Variants in BRINP1 observed in about 807,000 individuals in gnomAD.
BRINP1 encodes the protein BMP/retinoic acid-inducible neural-specific protein 1.
In BRINP1, 17 loss-of-function variants were observed where a neutral mutation model predicts 72.9. That is an observed-to-expected ratio of 0.23 (90% CI 0.16 to 0.35). The LOEUF is 0.35. Ranked by LOEUF, BRINP1 falls within the 10% of genes least tolerant of loss-of-function variation. The pLI is 1.00. For synonymous variants in BRINP1, 418 were observed against 378.5 expected (o/e 1.10, Z -1.21); for missense variants, 850 against 1,001.6 (o/e 0.85, Z 2.04).
intron 1 of BRINP1, among the ~76,000 whole-genome samples, chr9:119,359,440 G>A (rs1217395878): frequency 2.0e-5 from 3 of 152,134 alleles, no homozygotes; most frequent in South Asian, 2.1e-4. Flanking sequence ...GGCCTCAAGC[G>A]ATCTTCCTGC....
intron 3 of BRINP1, among the ~76,000 whole-genome samples, chr9:119,246,286 G>C (rs1008169752): frequency 3.3e-5 from 5 of 152,126 alleles, no homozygotes; most frequent in African/African-American, 9.7e-5. Flanking sequence ...TTGAGTCAGT[G>C]GACTGGGAAA....
At chr9:119,204,154 G>A (rs1171829973) in intron 7 of BRINP1, among the ~76,000 whole-genome samples, 1 of 152,168 alleles carries the variant, frequency 6.6e-6, no homozygotes, top group Non-Finnish European at 1.5e-5. Flanking sequence ...AGCATCAACT[G>A]GCTCTGAGAG....
chr9:119,306,070 C>G (rs1225695988), intron 2 of BRINP1, among the ~76,000 whole-genome samples: 1 of 152,124 alleles, frequency 6.6e-6, no homozygotes, highest in East Asian at 1.9e-4. Context: ...TTTAAAGACT[C>G]TGTATCAGTC....
intron 2 of BRINP1, among the ~76,000 whole-genome samples, chr9:119,252,551 TAC>T (rs1025618477): frequency 1.0e-4 from 15 of 147,320 alleles, no homozygotes; most frequent in South Asian, 4.5e-4. Flanking sequence ...TATATAGTCA[TAC>T]GTGTGTGTGT....
chr9:119,206,533 A>G (rs1829857731), intron 7 of BRINP1, among the ~76,000 whole-genome samples: 2 of 152,214 alleles, frequency 1.3e-5, no homozygotes, highest in Non-Finnish European at 2.9e-5. Flanking sequence ...CACAAGCCAG[A>G]AAAAGGGGCC....
chr9:119,364,017 CCTT>C (rs1831663443), intron 1 of BRINP1, among the ~76,000 whole-genome samples: 1 of 119,360 alleles, frequency 8.4e-6, no homozygotes, highest in Non-Finnish European at 1.7e-5. Flanking sequence ...GTCATCCCTC[CCTT>C]TTTTTTTTTT....
chr9:119,238,854 GA>G (rs951246550), intron 4 of BRINP1, 94 bp from the exon 5 acceptor site: 4 of 757,774 alleles, frequency 5.3e-6, no homozygotes, highest in Admixed American at 6.2e-5. Flanking sequence ...AAAGCCTGCA[GA>G]AAAGGCCTCC....
intron 2 of BRINP1, among the ~76,000 whole-genome samples, chr9:119,291,393 T>C (rs773570351): frequency 3.3e-5 from 5 of 152,218 alleles, no homozygotes; most frequent in Non-Finnish European, 7.3e-5. Context: ...CAGACTATGC[T>C]AATTAGAATC....
intron 5 of BRINP1, among the ~76,000 whole-genome samples, chr9:119,221,173 T>C (rs1830037373): frequency 6.6e-6 from 1 of 152,184 alleles, no homozygotes; most frequent in Non-Finnish European, 1.5e-5. Flanking sequence ...TGTAGATATC[T>C]CTGAGCTTTA....
intron 2 of BRINP1, among the ~76,000 whole-genome samples, chr9:119,264,904 C>T (rs1378428548): frequency 7.2e-5 from 11 of 152,200 alleles, no homozygotes. Context: ...AATTCCTGAC[C>T]TAGTAATCTG....
chr9:119,222,889 A>G (rs1830055258), intron 5 of BRINP1, among the ~76,000 whole-genome samples: 1 of 151,980 alleles, frequency 6.6e-6, no homozygotes, highest in African/African-American at 2.4e-5. Context: ...CTTTAAGAAG[A>G]GGTTGGTTCA....
chr9:119,242,246 G>C, intron 3 of BRINP1, 30 bp from the exon 4 acceptor site: 1 of 1,603,398 alleles, frequency 6.2e-7, no homozygotes, highest in Non-Finnish European at 8.5e-7. Context: ...AGATAAGAAG[G>C]TTTGTGGAGC....
At chr9:119,278,975 C>CA (rs1269101768) in intron 2 of BRINP1, among the ~76,000 whole-genome samples, 2 of 151,842 alleles carry the variant, frequency 1.3e-5, no homozygotes, top group Non-Finnish European at 2.9e-5. Flanking sequence ...CAAAATATCC[C>CA]AAAAAAGAAA....
At chr9:119,227,105 G>A (rs1440730466) in intron 5 of BRINP1, among the ~76,000 whole-genome samples, 1 of 152,044 alleles carries the variant, frequency 6.6e-6, no homozygotes, top group Admixed American at 6.6e-5. Context: ...GTTATTGTTA[G>A]TATTCTTATT....
Position 119,312,842 on chromosome 9 carries a change from A to G in BRINP1, c.218+296T>C, listed in dbSNP as rs1386063228. Among the ~76,000 whole-genome samples, 5 of 152,238 alleles carry G rather than the reference A, an allele frequency of 3.3e-5. No homozygotes were observed. The East Asian group carries it at 9.6e-4, about 29-fold the overall frequency. Reference sequence around the variant, plus strand: ...AATTTGTAAAGTGGGAAAAACAATCAAAACCTATATCTGATGGCTATTAGA... The same window carrying G: ...AATTTGTAAAGTGGGAAAAACAATCGAAACCTATATCTGATGGCTATTAGA... On this transcript the variant is annotated intron_variant, in intron 2 of 7. Transcript: ENST00000265922.
In BRINP1 at chr9:119,168,134, G is replaced by A. The variant is rs767386250; in HGVS notation, c.1236C>T (p.Ser412=). ...FWGTFLESQR[S]CVCHGSTTLC... ...GCGTGGTGCTGCCGTGGCACACGCA[G>A]CTCCGCTGGCTCTCCAGGAAGGTTC... is the stretch of plus-strand genomic sequence containing the variant. The change falls in exon 8 of 8, where the codon AGC becomes AGT. Residue 412 remains serine, a synonymous_variant. Transcript: ENST00000265922. The A allele has an allele frequency of 1.2e-6, 2 of 1,601,342 alleles. No homozygotes were observed. Among genetic ancestry groups the A allele is most frequent in the African/African-American group, 1.3e-5 (1 of 74,760 alleles).
chr9:119,177,002 GTTTC>G (rs1829497282), intron 7 of BRINP1, among the ~76,000 whole-genome samples: 1 of 152,030 alleles, frequency 6.6e-6, no homozygotes, highest in South Asian at 2.1e-4. Context: ...GAAACCCCTC[GTTTC>G]TTTGTCAGTT....
intron 7 of BRINP1, among the ~76,000 whole-genome samples, chr9:119,202,590 C>T (rs772424130): frequency 6.6e-6 from 1 of 152,150 alleles, no homozygotes; most frequent in Non-Finnish European, 1.5e-5. Flanking sequence ...GTAAGGATCT[C>T]CTGGTGGCAA....
chr9:119,216,429 A>G (rs1384054019), intron 5 of BRINP1, among the ~76,000 whole-genome samples: 1 of 152,230 alleles, frequency 6.6e-6, no homozygotes, highest in African/African-American at 2.4e-5. Context: ...TGGGAGGGCT[A>G]CTGTACAAGG....
Sources: allele counts gnomAD v4.1 joint callset (sites outside exome capture counted in the v4.1 genomes callset), GRCh38; gene constraint gnomAD v4.1.1; transcripts MANE v1.5; gene names NCBI Gene and HGNC (gene_info 2026-07-23, HGNC 2026-07-21).